Variants in PPP2R2C observed in about 807,000 individuals in gnomAD.
PPP2R2C encodes the protein protein phosphatase 2 regulatory subunit Bgamma, also known as protein phosphatase 2, regulatory subunit B, gamma.
A neutral mutation model predicts 45.3 loss-of-function variants in PPP2R2C; 10 were observed. The observed-to-expected ratio is 0.22, with a 90% CI of 0.14 to 0.37. The LOEUF (loss-of-function observed/expected upper bound fraction) is 0.37. PPP2R2C is among the 10% of genes least tolerant of loss of function. PPP2R2C has a pLI of 1.00. For synonymous variants in PPP2R2C, 257 were observed against 245.4 expected (o/e 1.05, Z -0.44); for missense variants, 308 against 619.7 (o/e 0.50, Z 5.34).
chr4:6,445,028 A>G (rs1720345594), intron 1 of PPP2R2C, among the ~76,000 whole-genome samples: 1 of 152,140 alleles, frequency 6.6e-6, no homozygotes, highest in Admixed American at 6.5e-5. Context: ...CTACAAAAAA[A>G]AAATACAAAA....
chr4:6,435,355 C>A (rs1165261029), intron 1 of PPP2R2C, among the ~76,000 whole-genome samples: 1 of 152,192 alleles, frequency 6.6e-6, no homozygotes, highest in Admixed American at 6.5e-5. Context: ...GTTTCACTCT[C>A]TTCTGTCATG....
At chr4:6,441,278 TC>T (rs1297408126) in intron 1 of PPP2R2C, among the ~76,000 whole-genome samples, 2 of 151,922 alleles carry the variant, frequency 1.3e-5, no homozygotes, top group African/African-American at 4.8e-5. Flanking sequence ...TCCAAACTCC[TC>T]CCTTCAAGCC....
At chr4:6,463,172 T>C (rs1721417414) in intron 1 of PPP2R2C, among the ~76,000 whole-genome samples, 1 of 152,236 alleles carries the variant, frequency 6.6e-6, no homozygotes, top group Non-Finnish European at 1.5e-5. Flanking sequence ...GTGTGCACTA[T>C]TTCATTCAAT....
At chr4:6,349,041 A>G in intron 5 of PPP2R2C, 1 of 985,132 alleles carries the variant, frequency 1.0e-6, no homozygotes, top group South Asian at 4.7e-5. Context: ...CTCTTTTCCT[A>G]TCCCTTCCCT....
intron 1 of PPP2R2C, among the ~76,000 whole-genome samples, chr4:6,460,633 T>C (rs1189206780): frequency 1.3e-5 from 2 of 152,138 alleles, no homozygotes. Context: ...AATAAAAAAA[T>C]GTAGGAATAT....
intron 2 of PPP2R2C, among the ~76,000 whole-genome samples, chr4:6,497,748 G>A (rs766942933): frequency 6.6e-6 from 1 of 152,174 alleles, no homozygotes; most frequent in African/African-American, 2.4e-5. Flanking sequence ...AATGAACAAT[G>A]ATTAACAGAG....
At chr4:6,484,832 C>A (rs1041476182) in intron 2 of PPP2R2C, among the ~76,000 whole-genome samples, 1 of 151,736 alleles carries the variant, frequency 6.6e-6, no homozygotes, top group Non-Finnish European at 1.5e-5. Flanking sequence ...TTGTAGATAC[C>A]TTTGGATTTT....
chr4:6,398,858 G>A (rs554490769), intron 1 of PPP2R2C, among the ~76,000 whole-genome samples: 37 of 152,208 alleles, frequency 2.4e-4, no homozygotes, highest in African/African-American at 8.7e-4. Context: ...CATCAGCAGG[G>A]GAAGGAATAA....
Position 6,413,949 on chromosome 4 carries a change from T to C in PPP2R2C, c.71-32855A>G, listed in dbSNP as rs1362296509. On this transcript the variant is annotated intron_variant, in intron 1 of 8. Coordinates refer to ENST00000382599, the MANE Select transcript of PPP2R2C (RefSeq NM_020416.4). ...GCGTCTTCGTTATACTCAATCAGAA[T>C]GAGGCTGCTCCCTGGTGGCTCTGCA... The C allele has an allele frequency of 5.9e-6, 9 of 1,535,886 alleles. 1 individual carries two copies. Among genetic ancestry groups the C allele is most frequent in the South Asian group, 1.2e-5 (1 of 84,064 alleles).
At chr4:6,381,575 G>A in intron 1 of PPP2R2C, 4 of 1,429,768 alleles carry the variant, frequency 2.8e-6, no homozygotes, top group Non-Finnish European at 3.7e-6. Context: ...TTCCCACACA[G>A]TAGGACAGAG....
At chr4:6,392,799 A>T (rs1054094824) in intron 1 of PPP2R2C, among the ~76,000 whole-genome samples, 1 of 152,318 alleles carries the variant, frequency 6.6e-6, no homozygotes, top group East Asian at 1.9e-4. Flanking sequence ...AGCATGGACG[A>T]GCACTTTCAG....
At chr4:6,389,049 T>C (rs938228334) in intron 1 of PPP2R2C, among the ~76,000 whole-genome samples, 3 of 152,064 alleles carry the variant, frequency 2.0e-5, no homozygotes, top group South Asian at 2.1e-4. Context: ...GCAGCTTTCA[T>C]CAAAGCCGTG....
intron 5 of PPP2R2C, chr4:6,350,618 G>A: frequency 1.0e-6 from 1 of 985,370 alleles, no homozygotes; most frequent in African/African-American, 1.7e-5. Flanking sequence ...TCGGTGGGAT[G>A]AAGTCAAATG....
intron 2 of PPP2R2C, among the ~76,000 whole-genome samples, chr4:6,482,662 G>A (rs1163914594): frequency 1.3e-5 from 2 of 152,112 alleles, no homozygotes; most frequent in African/African-American, 4.8e-5. Context: ...GATTTTCTAC[G>A]TAGACAATTA....
Position 6,386,208 on chromosome 4 carries a change from G to A in PPP2R2C, c.71-5114C>T, listed in dbSNP as rs76667841. Among the ~76,000 whole-genome samples, 797 of 152,312 alleles carry A rather than the reference G, an allele frequency of 5.2e-3. 2 individuals are homozygous for A. The highest frequency in any genetic ancestry group is 0.018 in the African/African-American group (741 of 41,566). ...CGGTCAGCAATTGGGAGGAACAGCCGGCGTTGGCTTTCCTGGTCTCATGGC... is the reference window on the plus strand; with the variant it reads ...CGGTCAGCAATTGGGAGGAACAGCCAGCGTTGGCTTTCCTGGTCTCATGGC... On this transcript the variant is annotated intron_variant, in intron 1 of 8. Transcript: ENST00000382599.
chr4:6,378,601 AGCACC>A lies in PPP2R2C; in HGVS notation c.169-34_169-30del. ...CAGGGAAACCCGGAGAAGGGGCCTGAGCACCGTGACCTGCAGGGCGACGGCTAGGA... is the reference window on the plus strand; with the variant it reads ...CAGGGAAACCCGGAGAAGGGGCCTGAGTGACCTGCAGGGCGACGGCTAGGA... On this transcript the variant is annotated intron_variant, in intron 2 of 8. Coordinates refer to ENST00000382599, the MANE Select transcript of PPP2R2C (RefSeq NM_020416.4). The surrounding 1 kb of genome is among the most constrained non-coding windows in gnomAD (Gnocchi z 5.2). The A allele has an allele frequency of 1.2e-6, 2 of 1,600,336 alleles. No homozygotes were observed. The highest frequency in any genetic ancestry group is 1.7e-6 in the Non-Finnish European group (2 of 1,171,478).
intron 1 of PPP2R2C, among the ~76,000 whole-genome samples, chr4:6,448,876 C>T (rs1266700315): frequency 5.3e-5 from 8 of 152,174 alleles, no homozygotes; most frequent in Non-Finnish European, 1.5e-5. Context: ...TGCTGAACTC[C>T]GGGCGGGGGC....
chr4:6,341,079 C>T (rs764576293), intron 6 of PPP2R2C, among the ~76,000 whole-genome samples: 13 of 152,350 alleles, frequency 8.5e-5, no homozygotes, highest in South Asian at 2.1e-4. Context: ...CGGTGGCTCA[C>T]GCCTGTAATC....
chr4:6,350,832 C>G, intron 5 of PPP2R2C: 1 of 985,376 alleles, frequency 1.0e-6, no homozygotes, highest in Non-Finnish European at 1.2e-6. Flanking sequence ...GAGATCGCAC[C>G]AAAGCCAGCC....
Sources: gnomAD v4.1 joint callset for allele counts (sites outside exome capture counted in the v4.1 genomes callset) on GRCh38, gnomAD v4.1.1 for gene constraint, Gnocchi (gnomAD v3.1) non-coding constraint, MANE v1.5 for transcripts, NCBI Gene and HGNC (gene_info 2026-07-23, HGNC 2026-07-21) for gene names.